METTL15: variants seen among roughly 807,000 people sequenced by gnomAD.
METTL15 encodes the protein 12S rRNA N(4)-cytidine methyltransferase METTL15.
In METTL15, 34 loss-of-function variants were observed where a neutral mutation model predicts 38.3. That is an observed-to-expected ratio of 0.89 (90% CI 0.68 to 1.18). The LOEUF (loss-of-function observed/expected upper bound fraction) is 1.18, where lower values mean the gene tolerates loss of function less well. Among genes scored for constraint, METTL15 ranks in the 50% most tolerant of loss-of-function variants. The pLI, the probability that METTL15 is intolerant of heterozygous loss-of-function variation, is 0.00. For synonymous variants in METTL15, 162 were observed against 170.9 expected (o/e 0.95, Z 0.41); for missense variants, 438 against 498.4 (o/e 0.88, Z 1.15).
chr11:28,223,024 G>A (rs960110252), intron 4 of METTL15, among the ~76,000 whole-genome samples: 1 of 152,026 alleles, frequency 6.6e-6, no homozygotes, highest in Non-Finnish European at 1.5e-5. Flanking sequence ...TTGCTAGTGA[G>A]GATGTGCAGA....
At chr11:28,530,043 A>G (rs910708905), downstream of METTL15, among the ~76,000 whole-genome samples, 1 of 152,136 alleles carries the variant, frequency 6.6e-6, no homozygotes, top group African/African-American at 2.4e-5. Context: ...TGGGAAGCTG[A>G]AGAGGAACTC....
chr11:28,206,540 G>T (rs1045552536), intron 3 of METTL15, among the ~76,000 whole-genome samples: 2 of 151,398 alleles, frequency 1.3e-5, no homozygotes, highest in Admixed American at 6.6e-5. Context: ...GTCAGGTAGC[G>T]TGATGCCTCC....
Position 28,234,649 on chromosome 11 carries a change from GTTGT to G in METTL15, c.407+23458_407+23461del, listed in dbSNP as rs1455702210. Among the ~76,000 whole-genome samples the G allele has an allele frequency of 4.7e-5, 7 of 149,104 alleles. No individual in the cohort carries two copies. The East Asian group carries it at 7.9e-4, about 17-fold the overall frequency. ...TGTCCTTCACCCACTTTTTGATGGG[GTTGT>G]TTGTTTTTTTCTTGTAAATTTGTTT... On this transcript the variant is annotated intron_variant, in intron 4 of 6. Coordinates refer to ENST00000407364, the MANE Select transcript of METTL15 (RefSeq NM_001113528.2).
intron 3 of METTL15, among the ~76,000 whole-genome samples, chr11:28,130,849 G>A (rs78910488): frequency 1.4e-3 from 211 of 152,324 alleles, no homozygotes; most frequent in African/African-American, 4.8e-3. Flanking sequence ...AGAAAATTCA[G>A]TGTATATTAA....
At chr11:28,266,485 T>C (rs1222776268) in intron 4 of METTL15, among the ~76,000 whole-genome samples, 1 of 152,184 alleles carries the variant, frequency 6.6e-6, no homozygotes, top group Non-Finnish European at 1.5e-5. Context: ...TTAATGTGAC[T>C]AAAACTGAAC....
chr11:28,361,366 A>T (rs1850136564), intron 4 of METTL15, among the ~76,000 whole-genome samples: 2 of 152,088 alleles, frequency 1.3e-5, no homozygotes, highest in Non-Finnish European at 2.9e-5. Context: ...CTGGTGTGAG[A>T]TGGTATCTCA....
chr11:28,435,033 C>A (rs1850968905), intron 6 of METTL15, among the ~76,000 whole-genome samples: 1 of 152,168 alleles, frequency 6.6e-6, no homozygotes, highest in African/African-American at 2.4e-5. Context: ...GACAGTAGTA[C>A]CAAAGGGGAA....
At chr11:28,441,227 A>G (rs1851032224) in intron 6 of METTL15, among the ~76,000 whole-genome samples, 1 of 151,918 alleles carries the variant, frequency 6.6e-6, no homozygotes, top group Admixed American at 6.6e-5. Context: ...TGGGGCTACA[A>G]GCACGTGCCC....
intron 6 of METTL15, among the ~76,000 whole-genome samples, chr11:28,431,789 T>TAAAAAAAAAAAAAAAAAAAAA: frequency 1.0e-4 from 1 of 9,950 alleles, no homozygotes; most frequent in Non-Finnish European, 3.1e-4. Context: ...AAAAATAAAT[T>TAAAAAAAAAAAAAAAAAAAAA]TAAAAAAAAA....
intron 3 of METTL15, among the ~76,000 whole-genome samples, chr11:28,131,710 CTT>C (rs1299953840): frequency 6.6e-6 from 1 of 152,056 alleles, no homozygotes; most frequent in African/African-American, 2.4e-5. Context: ...GCAGTTTTAT[CTT>C]TTGTTCAAAT....
intron 3 of METTL15, among the ~76,000 whole-genome samples, chr11:28,114,290 G>A (rs1157831146): frequency 6.6e-6 from 1 of 151,998 alleles, no homozygotes; most frequent in Admixed American, 6.6e-5. Context: ...GTTCTTCCAT[G>A]GTGTTGCATG....
rs199864486 is a variant in METTL15 at position 28,216,566 on chromosome 11, C to CT, written c.407+5376dup. On this transcript the variant is annotated intron_variant, in intron 4 of 6. Transcript: ENST00000407364. Reference sequence around the variant, plus strand: ...TACACAATCTAGTAGTGAGAAACTTCTTTTTTTTATTATACTTTAAATTTT... The same window carrying CT: ...TACACAATCTAGTAGTGAGAAACTTCTTTTTTTTTATTATACTTTAAATTTT... 9.6e-3 allele frequency among the ~76,000 whole-genome samples: 1,455 copies of CT among 151,690 alleles called. 20 individuals are homozygous for CT. Among genetic ancestry groups the CT allele is most frequent in the South Asian group, 0.08 (382 of 4,786 alleles).
chr11:28,412,354 G>C (rs1850735318), intron 5 of METTL15, among the ~76,000 whole-genome samples: 1 of 151,420 alleles, frequency 6.6e-6, no homozygotes, highest in Non-Finnish European at 1.5e-5. Context: ...CTGGAACAGA[G>C]GAATGGATAA....
chr11:28,442,018 G>T (rs1427332499), intron 6 of METTL15, among the ~76,000 whole-genome samples: 1 of 152,202 alleles, frequency 6.6e-6, no homozygotes, highest in Non-Finnish European at 1.5e-5. Context: ...TTAAATTGTG[G>T]ACATACGGAA....
intron 3 of METTL15, among the ~76,000 whole-genome samples, chr11:28,351,775 C>G (rs1850043693): frequency 6.6e-6 from 1 of 152,132 alleles, no homozygotes; most frequent in Admixed American, 6.5e-5. Context: ...TACAACTGAG[C>G]AAAATCATAG....
At chr11:28,405,882 T>C (rs1590363482) in intron 5 of METTL15, among the ~76,000 whole-genome samples, 1 of 152,160 alleles carries the variant, frequency 6.6e-6, no homozygotes, top group Non-Finnish European at 1.5e-5. Flanking sequence ...CATGCTAGCT[T>C]TTGTCAGGTT....
chr11:28,362,321 T>C (rs1850146609), intron 5 of METTL15, among the ~76,000 whole-genome samples: 1 of 152,126 alleles, frequency 6.6e-6, no homozygotes, highest in Non-Finnish European at 1.5e-5. Context: ...AACCTACTGC[T>C]TTCTTTTTTT....
intron 5 of METTL15, among the ~76,000 whole-genome samples, chr11:28,409,657 C>T (rs1314524756): frequency 1.3e-5 from 2 of 151,862 alleles, no homozygotes; most frequent in African/African-American, 4.8e-5. Flanking sequence ...TATAGCAATA[C>T]ACTCCTACAT....
At chr11:28,387,665 G>A (rs1850454637) in intron 5 of METTL15, among the ~76,000 whole-genome samples, 1 of 152,022 alleles carries the variant, frequency 6.6e-6, no homozygotes. Context: ...AAAAACTGAA[G>A]AGGAAGGAAT....
Sources: gnomAD v4.1 joint callset for allele counts (sites outside exome capture counted in the v4.1 genomes callset) on GRCh38, gnomAD v4.1.1 for gene constraint, MANE v1.5 for transcripts, NCBI Gene and HGNC (gene_info 2026-07-23, HGNC 2026-07-21) for gene names.